ERI3: variants seen among roughly 807,000 people sequenced by gnomAD.
ERI3 encodes the protein ERI1 exoribonuclease 3.
A neutral mutation model predicts 44.4 loss-of-function variants in ERI3; 18 were observed. The ratio of observed to expected loss-of-function variants is 0.41; its 90% confidence interval spans 0.28 to 0.60. The LOEUF is 0.60. Ranked by LOEUF, ERI3 falls within the 20% of genes least tolerant of loss-of-function variation. The pLI is 0.36. For synonymous variants in ERI3, 183 were observed against 164.8 expected, an observed-to-expected ratio of 1.11 and a Z score of -0.84; for missense variants, 294 against 435.5, an observed-to-expected ratio of 0.68 and a Z score of 2.89.
At chr1:44,337,409 A>T (rs1034494131) in intron 3 of ERI3, among the ~76,000 whole-genome samples, 3 of 152,248 alleles carry the variant, frequency 2.0e-5, no homozygotes, top group African/African-American at 7.2e-5. Context: ...GAATCTTAAT[A>T]ACCAAAATTC....
chr1:44,234,440 A>C (rs111890267), intron 8 of ERI3, among the ~76,000 whole-genome samples: 2,744 of 151,742 alleles, frequency 0.018, 30 homozygotes, highest in African/African-American at 0.026. Context: ...GAGGTGGGCA[A>C]ATCACGAGGT....
At chr1:44,242,759 C>T (rs1380544322) in intron 8 of ERI3, among the ~76,000 whole-genome samples, 11 of 152,240 alleles carry the variant, frequency 7.2e-5, no homozygotes, top group South Asian at 6.2e-4. Flanking sequence ...CTGGGCAAGA[C>T]GGGGGCTGGC....
chr1:44,231,525 C>T (rs1230520970), intron 8 of ERI3, among the ~76,000 whole-genome samples: 1 of 152,110 alleles, frequency 6.6e-6, no homozygotes, highest in African/African-American at 2.4e-5. Flanking sequence ...AGGTATGCCA[C>T]CATGCCTGGC....
At chr1:44,301,474 C>A (rs945206356) in intron 6 of ERI3, among the ~76,000 whole-genome samples, 2 of 152,174 alleles carry the variant, frequency 1.3e-5, no homozygotes, top group African/African-American at 4.8e-5. Context: ...CATTCCTTAC[C>A]TCAGAGAAGG....
chr1:44,324,536 C>T (rs909967920), intron 3 of ERI3, among the ~76,000 whole-genome samples: 3 of 129,568 alleles, frequency 2.3e-5, no homozygotes, highest in African/African-American at 8.7e-5. Context: ...GGCTGGGTTG[C>T]AGTGGCGAGA....
chr1:44,224,980 G>A (rs1318178606), intron 8 of ERI3, among the ~76,000 whole-genome samples: 2 of 152,172 alleles, frequency 1.3e-5, no homozygotes, highest in Non-Finnish European at 2.9e-5. Context: ...GCTAGAAAGT[G>A]AGGAAGCTTG....
At chr1:44,336,623 T>G (rs1207600543) in intron 3 of ERI3, among the ~76,000 whole-genome samples, 1 of 152,270 alleles carries the variant, frequency 6.6e-6, no homozygotes, top group Non-Finnish European at 1.5e-5. Context: ...CCCCACGCTC[T>G]TCTAGCTGTT....
At chr1:44,262,817 G>A (rs1199480120) in intron 7 of ERI3, among the ~76,000 whole-genome samples, 1 of 152,194 alleles carries the variant, frequency 6.6e-6, no homozygotes, top group Non-Finnish European at 1.5e-5. Context: ...ACATCTTACT[G>A]ACACTCTCCA....
At chr1:44,248,083 G>T in intron 7 of ERI3, 45 bp from the exon 8 acceptor site, 1 of 1,409,776 alleles carries the variant, frequency 7.1e-7, no homozygotes, top group Non-Finnish European at 9.9e-7. Flanking sequence ...CTGACCCTCT[G>T]AACCAACCCC....
chr1:44,320,184 T>C (rs958795710), intron 3 of ERI3, among the ~76,000 whole-genome samples: 3 of 152,222 alleles, frequency 2.0e-5, no homozygotes, highest in Non-Finnish European at 4.4e-5. Flanking sequence ...TGTATGAAGT[T>C]TGAACCAAGC....
chr1:44,342,222 C>A (rs984891998), intron 2 of ERI3, among the ~76,000 whole-genome samples: 1 of 152,096 alleles, frequency 6.6e-6, no homozygotes. Context: ...AGGTGTGGTG[C>A]AGCATGTCAG....
At chr1:44,322,830 A>C in intron 3 of ERI3, 4 of 1,550,022 alleles carry the variant, frequency 2.6e-6, no homozygotes, top group Non-Finnish European at 3.5e-6. Flanking sequence ...CCAAGTTGGC[A>C]CAACTCTGCA....
chr1:44,348,236 A>C (rs1646823213), intron 2 of ERI3, among the ~76,000 whole-genome samples: 1 of 152,196 alleles, frequency 6.6e-6, no homozygotes, highest in African/African-American at 2.4e-5. Context: ...AGTGAAAGAA[A>C]GAGTGAGAGA....
At chr1:44,233,314 A>G (rs527271165) in intron 8 of ERI3, among the ~76,000 whole-genome samples, 53 of 145,828 alleles carry the variant, frequency 3.6e-4, no homozygotes, top group Admixed American at 2.7e-4. Flanking sequence ...CTTATCTCCT[A>G]CTCCACAGGA....
chr1:44,250,354 A>G (rs566019625), intron 7 of ERI3, among the ~76,000 whole-genome samples: 18 of 152,304 alleles, frequency 1.2e-4, no homozygotes, highest in Admixed American at 1.0e-3. Flanking sequence ...CGGGAAGACC[A>G]CTTCAGATAA....
intron 8 of ERI3, among the ~76,000 whole-genome samples, chr1:44,233,781 C>T (rs987750062): frequency 6.6e-5 from 10 of 152,170 alleles, no homozygotes; most frequent in Non-Finnish European, 2.9e-5. Context: ...CTCCCTTTAA[C>T]TCCCTTTTCC....
rs188312256 is a variant in ERI3, at chr1:44,231,540, T to C, written c.932-9900A>G. Among the ~76,000 whole-genome samples, 29 of 152,186 alleles carry C rather than the reference T, an allele frequency of 1.9e-4. No individual in the cohort carries two copies. The East Asian group carries it at 5.0e-3, about 26-fold the overall frequency. ...AGGTATGCCACCATGCCTGGCTTTT[T>C]TTTGTGTGTGTACATATGGGGTCTT... On this transcript the variant is annotated intron_variant, in intron 8 of 8. Transcript: ENST00000372257.
At chr1:44,231,300 C>T (rs1644177920) in intron 8 of ERI3, among the ~76,000 whole-genome samples, 1 of 151,770 alleles carries the variant, frequency 6.6e-6, no homozygotes, top group African/African-American at 2.4e-5. Flanking sequence ...TTTTTTTTCA[C>T]TCACTGAAAC....
At chr1:44,260,951 C>G (rs1644880921) in intron 7 of ERI3, among the ~76,000 whole-genome samples, 1 of 152,176 alleles carries the variant, frequency 6.6e-6, no homozygotes, top group South Asian at 2.1e-4. Flanking sequence ...TGCTTAACCA[C>G]GTATTTACAT....
Sources: gnomAD v4.1 joint callset for allele counts (sites outside exome capture counted in the v4.1 genomes callset) on GRCh38, gnomAD v4.1.1 for gene constraint, MANE v1.5 for transcripts, NCBI Gene and HGNC (gene_info 2026-07-23, HGNC 2026-07-21) for gene names.